CDK14: variants seen among roughly 807,000 people sequenced by gnomAD.
CDK14 encodes the protein cyclin-dependent kinase 14.
Under a neutral mutation model 60.7 loss-of-function variants are expected in CDK14, and 34 were observed. That is an observed-to-expected ratio of 0.56 (90% CI 0.43 to 0.75). The LOEUF is 0.75. CDK14 is among the 30% of genes least tolerant of loss of function. The pLI is 0.00. For missense variants in CDK14, 482 were observed against 564.1 expected (o/e 0.85, Z 1.47); for synonymous variants, 197 against 203.7 (o/e 0.97, Z 0.28).
intron 8 of CDK14, among the ~76,000 whole-genome samples, chr7:90,925,727 CAT>C (rs5885749): frequency 0.064 from 9,796 of 152,190 alleles, 389 homozygotes; most frequent in East Asian, 0.18. Flanking sequence ...TAAATAATGA[CAT>C]GTGAGCATTT....
rs1791969676 is a variant in CDK14, at chr7:90,887,121, T to A, written c.640-12170T>A. 3.3e-5 allele frequency among the ~76,000 whole-genome samples: 5 copies of A among 152,152 alleles called. No individual in the cohort carries two copies. In the South Asian group the frequency reaches 1.0e-3, roughly 32 times the overall value. On this transcript the variant is annotated intron_variant, in intron 6 of 14. Coordinates refer to ENST00000380050, the MANE Select transcript of CDK14 (RefSeq NM_001287135.2). ...GGGATTTTGTTTGTTTGTTTGCTGTTAAGAGAGCTACTTGGAACCAATTTT... is the reference window on the plus strand; with the variant it reads ...GGGATTTTGTTTGTTTGTTTGCTGTAAAGAGAGCTACTTGGAACCAATTTT...
At position 91,112,635 on chromosome 7, in the gene CDK14, C is replaced by T. The variant is rs56412135; in HGVS notation, c.1248C>T (p.His416=). Residue 416 remains histidine (H), a synonymous_variant, in exon 13 of 15, where the codon CAC becomes CAT. Coordinates refer to ENST00000380050, the MANE Select transcript of CDK14 (RefSeq NM_001287135.2). ...TGTCGGCACAGGCTGCCTTGAGCCA[C>T]GAGTATTTTAGTGACCTGCCGCCAC... ...NRLSAQAALS[H]EYFSDLPPRL... is the part of the protein sequence containing the mutation. 1.2e-5 allele frequency: 19 copies of T among 1,613,588 alleles called. No individual in the cohort carries two copies. The East Asian group carries it at 2.7e-4, about 23-fold the overall frequency.
chr7:90,919,841 C>T (rs974036831), intron 8 of CDK14, among the ~76,000 whole-genome samples: 5 of 152,148 alleles, frequency 3.3e-5, no homozygotes, highest in African/African-American at 1.2e-4. Flanking sequence ...ACTGAACATC[C>T]TTGTAGAGAT....
chr7:90,900,696 C>A (rs1792479699), intron 7 of CDK14, among the ~76,000 whole-genome samples: 1 of 152,132 alleles, frequency 6.6e-6, no homozygotes, highest in Non-Finnish European at 1.5e-5. Flanking sequence ...AGAAGTCTAC[C>A]AGCCACAGTG....
At chr7:90,751,784 C>T (rs1803857519) in intron 4 of CDK14, among the ~76,000 whole-genome samples, 1 of 152,108 alleles carries the variant, frequency 6.6e-6, no homozygotes, top group South Asian at 2.1e-4. Context: ...TCAGGAGACC[C>T]ATCTCACATG....
At chr7:91,120,661 C>A (rs553874065) in intron 14 of CDK14, among the ~76,000 whole-genome samples, 399 of 152,132 alleles carry the variant, frequency 2.6e-3, no homozygotes, top group African/African-American at 9.1e-3. Flanking sequence ...CTCAGCCTCC[C>A]AAGTAGCTGG....
At chr7:91,110,770 G>C (rs1013025496) in intron 12 of CDK14, among the ~76,000 whole-genome samples, 1 of 152,006 alleles carries the variant, frequency 6.6e-6, no homozygotes, top group Non-Finnish European at 1.5e-5. Context: ...TCCTAATCTG[G>C]TTGTTCTATT....
In CDK14 at chr7:91,208,092, A is replaced by G. The variant is rs1397893122; in HGVS notation, c.*956A>G. 6.6e-6 allele frequency: 1 copy of G among 152,666 alleles called. No homozygotes were observed. Among genetic ancestry groups the G allele is most frequent in the African/African-American group, 2.4e-5 (1 of 41,464 alleles). The allele number at this position is 152,666 out of a possible 1,614,324, so 9.5% of individuals were successfully genotyped here. A position where few individuals can be genotyped will look rare whatever the true frequency, so the allele number is the denominator to read the frequency against. On this transcript the variant is annotated 3_prime_UTR_variant, in exon 15 of 15. Transcript: ENST00000380050. Reference sequence around the variant, plus strand: ...TGGCCTGTTAGGGCTTACAAAGTAAATTACAAAGTGATCCAGTTCAAAGTT... The same window carrying G: ...TGGCCTGTTAGGGCTTACAAAGTAAGTTACAAAGTGATCCAGTTCAAAGTT...
At chr7:90,764,971 C>T (rs17163149) in intron 4 of CDK14, among the ~76,000 whole-genome samples, 23,573 of 152,142 alleles carry the variant, frequency 0.15, 1,937 homozygotes, top group Middle Eastern at 0.25. Context: ...GAAGTCATTC[C>T]TAATTGGCCT....
chr7:90,922,678 T>C (rs1793287413), intron 8 of CDK14, among the ~76,000 whole-genome samples: 1 of 152,226 alleles, frequency 6.6e-6, no homozygotes, highest in South Asian at 2.1e-4. Context: ...ATTTACATCT[T>C]GTTTAATATC....
intron 10 of CDK14, among the ~76,000 whole-genome samples, chr7:91,033,216 A>T (rs983815349): frequency 2.5e-4 from 38 of 152,210 alleles, no homozygotes; most frequent in African/African-American, 8.7e-4. Context: ...AGGCTGTTAA[A>T]GGTAGAAGAG....
chr7:90,726,273 G>T (rs1239844047), intron 2 of CDK14: 1 of 980,376 alleles, frequency 1.0e-6, no homozygotes, highest in Non-Finnish European at 1.2e-6. Context: ...ATGGTAAAAC[G>T]TGTGACAGAG....
chr7:90,792,322 A>G (rs1480223896), intron 5 of CDK14, among the ~76,000 whole-genome samples: 1 of 151,866 alleles, frequency 6.6e-6, no homozygotes, highest in Non-Finnish European at 1.5e-5. Context: ...CCTTGTCTTC[A>G]TCTCCATTTC....
chr7:91,168,528 T>C (rs916548722), intron 14 of CDK14, among the ~76,000 whole-genome samples: 2 of 152,236 alleles, frequency 1.3e-5, no homozygotes, highest in Non-Finnish European at 1.5e-5. Flanking sequence ...ATTCACCTTT[T>C]ATCTATTATC....
chr7:91,002,854 C>T (rs1399752824), intron 10 of CDK14, among the ~76,000 whole-genome samples: 1 of 152,036 alleles, frequency 6.6e-6, no homozygotes, highest in East Asian at 1.9e-4. Flanking sequence ...GGGTGGATCA[C>T]CAGGTCAGGA....
intron 9 of CDK14, among the ~76,000 whole-genome samples, chr7:90,958,743 T>A (rs1794508330): frequency 6.6e-6 from 1 of 152,160 alleles, no homozygotes; most frequent in African/African-American, 2.4e-5. Flanking sequence ...TGGGGCTTTT[T>A]CTCTATTTTT....
chr7:91,174,681 G>T (rs1001520880), intron 14 of CDK14, among the ~76,000 whole-genome samples: 1 of 132,328 alleles, frequency 7.6e-6, no homozygotes, highest in African/African-American at 2.9e-5. Context: ...AGGAGCCGAT[G>T]CGATCAACTG....
intron 2 of CDK14, among the ~76,000 whole-genome samples, chr7:90,645,107 C>T (rs1406586984): frequency 1.3e-5 from 2 of 152,160 alleles, no homozygotes; most frequent in Non-Finnish European, 2.9e-5. Flanking sequence ...ATGGAATTTA[C>T]ATTGTATAGA....
At chr7:90,632,708 A>C (rs1304820585) in intron 2 of CDK14, 2 of 152,262 alleles carry the variant, frequency 1.3e-5, no homozygotes, top group Non-Finnish European at 2.9e-5. Flanking sequence ...TACTTGTTTT[A>C]AAAAAGGAAA....
Sources: allele counts gnomAD v4.1 joint callset (sites outside exome capture counted in the v4.1 genomes callset), GRCh38; gene constraint gnomAD v4.1.1; transcripts MANE v1.5; gene names NCBI Gene and HGNC (gene_info 2026-07-23, HGNC 2026-07-21).